CDKAL1: variants seen among roughly 807,000 people sequenced by gnomAD.
CDKAL1 encodes threonylcarbamoyladenosine tRNA methylthiotransferase.
CDKAL1 carries 32 observed loss-of-function variants against 68.2 expected under a neutral mutation model. The ratio of observed to expected loss-of-function variants is 0.47; its 90% CI spans 0.35 to 0.63. CDKAL1 has a LOEUF of 0.63. Ranked by LOEUF, CDKAL1 falls within the 30% of genes least tolerant of loss-of-function variation. CDKAL1 has a pLI of 0.00. For missense variants in CDKAL1, 606 were observed against 696.7 expected (o/e 0.87, Z 1.47); for synonymous variants, 234 against 244.3 (o/e 0.96, Z 0.39).
chr6:21,106,863 G>A (rs552826220), intron 12 of CDKAL1, among the ~76,000 whole-genome samples: 8 of 151,624 alleles, frequency 5.3e-5, no homozygotes, highest in African/African-American at 9.7e-5. Context: ...GTGTGTGTGC[G>A]TAGAAGATTT....
chr6:21,040,940 A>T (rs1014844633), intron 11 of CDKAL1, among the ~76,000 whole-genome samples: 4 of 152,184 alleles, frequency 2.6e-5, no homozygotes, highest in Non-Finnish European at 4.4e-5. Context: ...TAGATAGATG[A>T]TAAGCCCTCC....
chr6:20,845,426 TG>T, intron 8 of CDKAL1, among the ~76,000 whole-genome samples: 1 of 152,218 alleles, frequency 6.6e-6, no homozygotes, highest in South Asian at 2.1e-4. Flanking sequence ...TAAATACTAT[TG>T]GGAAATATGC....
chr6:21,218,236 C>G (rs1397633119), intron 15 of CDKAL1, among the ~76,000 whole-genome samples: 1 of 152,158 alleles, frequency 6.6e-6, no homozygotes, highest in Non-Finnish European at 1.5e-5. Flanking sequence ...TTCCAGAAAA[C>G]TTTATTGAAA....
intron 4 of CDKAL1, 47 bp downstream of exon 4, chr6:20,548,752 A>G: frequency 1.1e-6 from 1 of 870,520 alleles, no homozygotes; most frequent in Non-Finnish European, 1.8e-6. Flanking sequence ...TTTCAGAATT[A>G]AGCTTTTAGA....
intron 5 of CDKAL1, among the ~76,000 whole-genome samples, chr6:20,691,403 A>G (rs756955462): frequency 2.0e-5 from 3 of 151,878 alleles, no homozygotes; most frequent in Non-Finnish European, 4.4e-5. Context: ...TAGAGCTTAC[A>G]CCGAGTAATG....
At chr6:21,046,321 G>C (rs1415465505) in intron 11 of CDKAL1, among the ~76,000 whole-genome samples, 1 of 152,342 alleles carries the variant, frequency 6.6e-6, no homozygotes, top group South Asian at 2.1e-4. Context: ...AAGTTTTAAA[G>C]TGTTTCTTGG....
chr6:20,668,691 G>C (rs1156921502), intron 5 of CDKAL1, among the ~76,000 whole-genome samples: 1 of 152,154 alleles, frequency 6.6e-6, no homozygotes, highest in Non-Finnish European at 1.5e-5. Flanking sequence ...GATCAAACCA[G>C]AGAATTAATA....
At chr6:20,922,631 T>C (rs1472159879) in intron 9 of CDKAL1, among the ~76,000 whole-genome samples, 1 of 152,196 alleles carries the variant, frequency 6.6e-6, no homozygotes, top group East Asian at 1.9e-4. Context: ...TAAGCTTTAA[T>C]CGAGTCAAAC....
At chr6:21,022,950 A>G (rs1768757224) in intron 11 of CDKAL1, among the ~76,000 whole-genome samples, 1 of 152,204 alleles carries the variant, frequency 6.6e-6, no homozygotes, top group African/African-American at 2.4e-5. Context: ...CAGGGCAGGA[A>G]TTACATTGCA....
chr6:20,620,641 G>A (rs985241918), intron 4 of CDKAL1, among the ~76,000 whole-genome samples: 4 of 151,912 alleles, frequency 2.6e-5, no homozygotes, highest in African/African-American at 9.7e-5. Flanking sequence ...AAGATGAGAA[G>A]ACTAGCACAC....
At chr6:20,878,156 T>C (rs1760622607) in intron 9 of CDKAL1, among the ~76,000 whole-genome samples, 1 of 152,200 alleles carries the variant, frequency 6.6e-6, no homozygotes, top group Non-Finnish European at 1.5e-5. Flanking sequence ...TTATGTCTTG[T>C]CGCCCCTACT....
intron 12 of CDKAL1, among the ~76,000 whole-genome samples, chr6:21,101,293 C>T (rs928942283): frequency 3.9e-5 from 6 of 152,064 alleles, no homozygotes; most frequent in South Asian, 2.1e-4. Context: ...TGGAAATACC[C>T]GAGAGCTTTT....
chr6:20,805,751 A>C (rs1195981967), intron 8 of CDKAL1, among the ~76,000 whole-genome samples: 1 of 152,202 alleles, frequency 6.6e-6, no homozygotes, highest in Non-Finnish European at 1.5e-5. Flanking sequence ...TGAGACTATA[A>C]CCACTGTAAG....
At chr6:21,095,243 T>C (rs1773258503) in intron 12 of CDKAL1, among the ~76,000 whole-genome samples, 1 of 152,072 alleles carries the variant, frequency 6.6e-6, no homozygotes, top group African/African-American at 2.4e-5. Context: ...TCTCTAAGAA[T>C]GGAAAGGATG....
At chr6:20,581,671 T>C (rs2127689662) in intron 4 of CDKAL1, among the ~76,000 whole-genome samples, 1 of 152,284 alleles carries the variant, frequency 6.6e-6, no homozygotes. Context: ...AACTGAGCAG[T>C]TTGAGATTAA....
chr6:21,009,418 A>G (rs1010481340), intron 11 of CDKAL1, among the ~76,000 whole-genome samples: 6 of 152,184 alleles, frequency 3.9e-5, no homozygotes, highest in African/African-American at 1.4e-4. Context: ...TTCACTCTCC[A>G]TCCAGTCACT....
At chr6:21,018,639 T>G (rs1196875318) in intron 11 of CDKAL1, among the ~76,000 whole-genome samples, 1 of 152,222 alleles carries the variant, frequency 6.6e-6, no homozygotes, top group Non-Finnish European at 1.5e-5. Flanking sequence ...GCAAATATTA[T>G]GACATTGGGT....
At chr6:20,740,421 T>G (rs1311030390) in intron 6 of CDKAL1, among the ~76,000 whole-genome samples, 1 of 152,186 alleles carries the variant, frequency 6.6e-6, no homozygotes, top group Non-Finnish European at 1.5e-5. Flanking sequence ...TTTGACTGAG[T>G]AAAAATGCCC....
intron 5 of CDKAL1, among the ~76,000 whole-genome samples, chr6:20,726,477 T>C (rs563849983): frequency 2.0e-5 from 3 of 152,374 alleles, no homozygotes; most frequent in Admixed American, 6.5e-5. Context: ...GTCACTCATA[T>C]TGAGCGCATT....
Sources: allele counts gnomAD v4.1 joint callset (sites outside exome capture counted in the v4.1 genomes callset), GRCh38; gene constraint gnomAD v4.1.1; transcripts MANE v1.5; gene names NCBI Gene and HGNC (gene_info 2026-07-23, HGNC 2026-07-21).